ZNF266: variants seen among roughly 807,000 people sequenced by gnomAD.
The protein encoded by ZNF266 is zinc finger protein 1.
A neutral mutation model predicts 16.4 loss-of-function variants in ZNF266; 16 were observed. The observed-to-expected ratio is 0.98, with a 90% CI of 0.66 to 1.48. The LOEUF is 1.48. Among genes scored for constraint, ZNF266 ranks in the 40% most tolerant of loss-of-function variants. The pLI, the probability that ZNF266 is intolerant of heterozygous loss-of-function variation, is 0.00. For missense variants in ZNF266, 738 were observed against 689.1 expected (o/e 1.07, Z -0.79); for synonymous variants, 262 against 237.9 (o/e 1.10, Z -0.93).
intron 6 of ZNF266, 155 bp downstream of exon 6, chr19:9,419,900 CAAAAAAAAAA>C (rs1218476753): frequency 5.3e-5 from 4 of 75,150 alleles, no homozygotes; most frequent in African/African-American, 9.6e-5. Flanking sequence ...GACTCTGTCT[CAAAAAAAAAA>C]AAAAAAAAAG....
At chr19:9,419,438 C>G (rs1177998437) in intron 6 of ZNF266, 139 bp from the exon 7 acceptor site, 1 of 152,410 alleles carries the variant, frequency 6.6e-6, no homozygotes, top group Non-Finnish European at 1.5e-5. Flanking sequence ...TACACACCAC[C>G]GCTATCAATT....
intron 5 of ZNF266, among the ~76,000 whole-genome samples, chr19:9,432,921 A>C (rs936576881): frequency 1.3e-5 from 2 of 151,944 alleles, no homozygotes; most frequent in South Asian, 4.1e-4. Flanking sequence ...TATCATTATC[A>C]AATGTTTTAG....
At chr19:9,435,217 A>G (rs539394786) in intron 1 of ZNF266, 24 bp from the exon 2 acceptor site, 3 of 152,008 alleles carry the variant, frequency 2.0e-5, no homozygotes, top group Non-Finnish European at 4.4e-5. Context: ...AGTCACAAAG[A>G]ATTGCTTTGG....
In ZNF266 at chr19:9,415,675, T is replaced by G. The variant is rs770995202; in HGVS notation, c.384A>C (p.Pro128=). 19 of 1,612,786 alleles carry G rather than the reference T, an allele frequency of 1.2e-5. No homozygotes were observed. The highest frequency in any genetic ancestry group is 1.4e-5 in the Non-Finnish European group (16 of 1,179,126). ...TTACCATTTGAATCCCACTGGAGGT[T>G]GGCTCCCCCAAAACATCCTGCTGAA... The part of the protein sequence containing the change: ...LALQQDVLGE[P]TSSGIQMIGS... Residue 128 remains proline, a synonymous_variant, in exon 10 of 11, where the codon CCA becomes CCC. Transcript: ENST00000592904.
rs1247540232 is a variant in ZNF266, at chr19:9,414,363, C to T, written c.763G>A (p.Glu255Lys). ...GAGTGAATAAAGCCTCTCCCACATT[C>T]CTTCCATTCATGGAGACTTTCTCCA... ...HNGESLHEWK[E>K]CGRGFIHSTD... is the part of the protein sequence containing the mutation. Residue 255 changes from glutamate (E) to lysine (K), a missense_variant, in exon 11 of 11, where the codon GAA becomes AAA. Transcript: ENST00000592904. The T allele has an allele frequency of 6.2e-7, 1 of 1,614,158 alleles. No homozygotes were observed. Among genetic ancestry groups the T allele is most frequent in the Non-Finnish European group, 8.5e-7 (1 of 1,180,016 alleles).
At chr19:9,426,044 C>A (rs973357757) in intron 5 of ZNF266, among the ~76,000 whole-genome samples, 2 of 152,140 alleles carry the variant, frequency 1.3e-5, no homozygotes, top group African/African-American at 2.4e-5. Flanking sequence ...ACAGTAGCAA[C>A]CCCTTCACTG....
chr19:9,422,586 T>C (rs1655667960), intron 5 of ZNF266, among the ~76,000 whole-genome samples: 3 of 152,210 alleles, frequency 2.0e-5, no homozygotes, highest in South Asian at 4.1e-4. Flanking sequence ...TCTTGTATCC[T>C]TACTGGCACC....
At position 9,419,271 on chromosome 19, in the gene ZNF266, T is replaced by C. The variant is rs1296713508; in HGVS notation, c.54A>G (p.Gln18=). The change falls in exon 7 of 11, where the codon CAA becomes CAG. Residue 18 remains glutamine (Q), a synonymous_variant. Coordinates refer to ENST00000592904, the MANE Select transcript of ZNF266 (RefSeq NM_001370374.1). ...CCACCCTTTCTACTTCTGTCTTTTC[T>C]TGAAGGCAGACTGGGTCCCTGTAAA... The part of the protein sequence containing the change: ...YGLYRDPVCL[Q]EKTEVERVVA... 2 of 154,052 alleles carry C rather than the reference T, an allele frequency of 1.3e-5. No individual in the cohort carries two copies. Among genetic ancestry groups the C allele is most frequent in the Non-Finnish European group, 2.9e-5 (2 of 68,432 alleles). 9.5% of individuals were successfully genotyped at this position (154,052 alleles called of 1,614,324 possible).
At chr19:9,434,891 T>TA (rs1182175463) in intron 2 of ZNF266, 32 bp from the exon 3 acceptor site, 1 of 152,080 alleles carries the variant, frequency 6.6e-6, no homozygotes, top group Non-Finnish European at 1.5e-5. Flanking sequence ...AATAGCTGAG[T>TA]ATTCTTGCTT....
chr19:9,416,441 G>C (rs1185947660), intron 9 of ZNF266, among the ~76,000 whole-genome samples: 1 of 148,288 alleles, frequency 6.7e-6, no homozygotes, highest in Non-Finnish European at 1.5e-5. Flanking sequence ...TCGGCTCACT[G>C]CAACTTCCGC....
chr19:9,413,274 C>T lies in ZNF266; in HGVS notation c.*1G>A. ...GACACCTTTAGGTTTTCCCACATTCCTTATGCTGACAGTCTCTCATCCGCA... is the reference window on the plus strand; with the variant it reads ...GACACCTTTAGGTTTTCCCACATTCTTTATGCTGACAGTCTCTCATCCGCA... On this transcript the variant is annotated 3_prime_UTR_variant, in exon 11 of 11. Transcript: ENST00000592904. 2 of 1,572,648 alleles carry T rather than the reference C, an allele frequency of 1.3e-6. No homozygotes were observed. Among genetic ancestry groups the T allele is most frequent in the Non-Finnish European group, 1.7e-6 (2 of 1,160,090 alleles).
intron 5 of ZNF266, among the ~76,000 whole-genome samples, chr19:9,425,966 C>A (rs531811104): frequency 6.6e-6 from 1 of 152,114 alleles, no homozygotes; most frequent in Admixed American, 6.6e-5. Flanking sequence ...AGAGGAAGAC[C>A]GGCATTCTGA....
At chr19:9,418,186 A>T (rs1370949513) in intron 8 of ZNF266, among the ~76,000 whole-genome samples, 1 of 152,194 alleles carries the variant, frequency 6.6e-6, no homozygotes, top group Non-Finnish European at 1.5e-5. Flanking sequence ...GGAAACAACT[A>T]TACATCTCAT....
At position 9,413,831 on chromosome 19, in the gene ZNF266, G is replaced by C. The variant is rs1312187792; in HGVS notation, c.1295C>G (p.Ser432Ter). The change falls in exon 11 of 11, where the codon TCA becomes TGA. Residue 432 changes from serine to a stop codon, truncating the protein, a stop_gained. Transcript: ENST00000592904. LOFTEE classifies it low-confidence loss of function (END_TRUNC). ...AGTTCGTGCATGCTTAGTAAGGTCT[G>C]AGTTCTGAGTGAAGGCTTTCCCACA... ...KDCGKAFTQN[S>*]DLTKHARTHS... is the part of the protein sequence containing the mutation. 2 of 1,614,102 alleles carry C rather than the reference G, an allele frequency of 1.2e-6. No individual in the cohort carries two copies. Among genetic ancestry groups the C allele is most frequent in the Admixed American group, 3.3e-5 (2 of 60,020 alleles).
chr19:9,427,163 A>G (rs1407464124), intron 5 of ZNF266, among the ~76,000 whole-genome samples: 2 of 152,158 alleles, frequency 1.3e-5, no homozygotes, highest in Non-Finnish European at 2.9e-5. Flanking sequence ...GAATCTGAAA[A>G]AGAAAATAAA....
At position 9,413,090 on chromosome 19, in the gene ZNF266, G is replaced by A. The variant is rs1340237616; in HGVS notation, c.*185C>T. Reference sequence around the variant, plus strand: ...ATTTCTGATGTGTTTGGTAAGGCTTGAGAATTCAGCAAAGTCATTTCCACA... The same window carrying A: ...ATTTCTGATGTGTTTGGTAAGGCTTAAGAATTCAGCAAAGTCATTTCCACA... On this transcript the variant is annotated 3_prime_UTR_variant, in exon 11 of 11. Transcript: ENST00000592904. The A allele has an allele frequency of 4.5e-6, 3 of 672,154 alleles. No homozygotes were observed. The highest frequency in any genetic ancestry group is 7.1e-6 in the Non-Finnish European group (3 of 421,174). 41.6% of individuals were successfully genotyped at this position (672,154 alleles called of 1,614,324 possible). A position where few individuals can be genotyped will look rare whatever the true frequency, so the allele number is the denominator to read the frequency against.
chr19:9,422,842 G>GCATACA (rs2070138710), intron 5 of ZNF266, among the ~76,000 whole-genome samples: 1 of 152,192 alleles, frequency 6.6e-6, no homozygotes, highest in Non-Finnish European at 1.5e-5. Flanking sequence ...CAAGATGCAT[G>GCATACA]CATACACATA....
Position 9,413,308 on chromosome 19 carries a change from T to C in ZNF266, c.1818A>G (p.Glu606=), listed in dbSNP as rs1315780689. 1 of 1,602,654 alleles carries C rather than the reference T, an allele frequency of 6.2e-7. No homozygotes were observed. Among genetic ancestry groups the C allele is most frequent in the Non-Finnish European group, 8.5e-7 (1 of 1,173,692 alleles). The stretch of plus-strand genomic sequence containing the variant: ...ACAGTCTCTCATCCGCATGCCTTCT[T>C]TCATGATTTCGAAAGGAACTGGAAG... ...FSSSSSFRNH[E]RRHADERLSA The change falls in exon 11 of 11, where the codon GAA becomes GAG. Residue 606 remains glutamate (E), a synonymous_variant. Coordinates refer to ENST00000592904, the MANE Select transcript of ZNF266 (RefSeq NM_001370374.1).
rs185365364 is a variant in ZNF266 at position 9,417,321 on chromosome 19, G to A, written c.316+507C>T. ...CGGGAGGCTGAAGTTGCAGTAAGCCGAGATCGCACCACTGCACTACAGCCT... is the reference window on the plus strand; with the variant it reads ...CGGGAGGCTGAAGTTGCAGTAAGCCAAGATCGCACCACTGCACTACAGCCT... On this transcript the variant is annotated intron_variant, in intron 9 of 10. Coordinates refer to ENST00000592904, the MANE Select transcript of ZNF266 (RefSeq NM_001370374.1). Among the ~76,000 whole-genome samples, 54 of 152,232 alleles carry A rather than the reference G, an allele frequency of 3.5e-4. 1 individual carries two copies. In the East Asian group the frequency reaches 8.7e-3, roughly 25 times the overall value.
Sources: gnomAD v4.1 joint callset for allele counts (sites outside exome capture counted in the v4.1 genomes callset) on GRCh38, gnomAD v4.1.1 for gene constraint, MANE v1.5 for transcripts, NCBI Gene and HGNC (gene_info 2026-07-23, HGNC 2026-07-21) for gene names.